YAF2: variants seen among roughly 807,000 people sequenced by gnomAD.
YAF2 encodes YY1-associated factor 2.
Under a neutral mutation model 20.1 loss-of-function variants are expected in YAF2, and 7 were observed. That is an observed-to-expected ratio of 0.35 (90% CI 0.20 to 0.65). The LOEUF (loss-of-function observed/expected upper bound fraction) is 0.65, where lower values mean the gene tolerates loss of function less well. Ranked by LOEUF, YAF2 falls within the 30% of genes least tolerant of loss-of-function variation. YAF2 has a pLI of 0.69. For missense variants in YAF2, 151 were observed against 219.2 expected (o/e 0.69, Z 1.96); for synonymous variants, 74 against 76.0 (o/e 0.97, Z 0.14).
intron 2 of YAF2, among the ~76,000 whole-genome samples, chr12:42,218,716 A>G (rs1379924458): frequency 2.0e-5 from 3 of 152,158 alleles, no homozygotes; most frequent in Non-Finnish European, 4.4e-5. Flanking sequence ...ATGTTATCAT[A>G]ATGTATACTT....
At chr12:42,183,030 A>T (rs1284392406) in intron 2 of YAF2, among the ~76,000 whole-genome samples, 1 of 152,198 alleles carries the variant, frequency 6.6e-6, no homozygotes, top group African/African-American at 2.4e-5. Context: ...GGTAATTCAT[A>T]AAATGTTTTC....
chr12:42,169,691 G>A (rs1452784987), intron 2 of YAF2, among the ~76,000 whole-genome samples: 5 of 152,062 alleles, frequency 3.3e-5, no homozygotes, highest in Non-Finnish European at 7.4e-5. Flanking sequence ...GGGATTAGAG[G>A]TGTGAACCAC....
At chr12:42,191,820 G>C (rs1220342833) in intron 2 of YAF2, among the ~76,000 whole-genome samples, 1 of 152,180 alleles carries the variant, frequency 6.6e-6, no homozygotes, top group African/African-American at 2.4e-5. Flanking sequence ...ATGCACAGTG[G>C]CTCATGCCTG....
chr12:42,182,033 AT>A (rs1243137181), intron 2 of YAF2, among the ~76,000 whole-genome samples: 1 of 152,204 alleles, frequency 6.6e-6, no homozygotes, highest in Non-Finnish European at 1.5e-5. Flanking sequence ...AATTTTCAAC[AT>A]GAAAGTACCT....
intron 2 of YAF2, among the ~76,000 whole-genome samples, chr12:42,163,521 G>C (rs1309092721): frequency 1.3e-5 from 2 of 152,022 alleles, no homozygotes; most frequent in Non-Finnish European, 2.9e-5. Flanking sequence ...TTCTATAGTG[G>C]TTCTTTTTTT....
chr12:42,187,457 T>C (rs1452933830), intron 2 of YAF2, among the ~76,000 whole-genome samples: 4 of 152,138 alleles, frequency 2.6e-5, no homozygotes, highest in Non-Finnish European at 5.9e-5. Context: ...TTTTTATTAT[T>C]GAAGATGTAA....
intron 2 of YAF2, among the ~76,000 whole-genome samples, chr12:42,222,398 T>C (rs529152564): frequency 3.9e-5 from 6 of 152,112 alleles, no homozygotes; most frequent in Non-Finnish European, 5.9e-5. Flanking sequence ...TAAAGACAAA[T>C]GAGTGAAAAG....
At position 42,234,192 on chromosome 12, in the gene YAF2, GAGAAAAGAAA is replaced by G. The variant is rs67374165; in HGVS notation, c.152+3397_152+3406del. ...TCAAATTCTGCCTCAAAAAAAAAAA[GAGAAAAGAAA>G]AGAAAAGAAAAGAAAAGAAAAGAAA... On this transcript the variant is annotated intron_variant, in intron 2 of 3. Coordinates refer to ENST00000534854, the MANE Select transcript of YAF2 (RefSeq NM_005748.6). 4,152 of 912,440 alleles carry G rather than the reference GAGAAAAGAAA, an allele frequency of 4.6e-3. 46 individuals are homozygous for G. The highest frequency in any genetic ancestry group is 0.034 in the South Asian group (665 of 19,814). The allele number at this position is 912,440 out of a possible 1,614,324, so 56.5% of individuals were successfully genotyped here.
At chr12:42,187,167 T>C (rs2137078214) in intron 2 of YAF2, among the ~76,000 whole-genome samples, 1 of 152,248 alleles carries the variant, frequency 6.6e-6, no homozygotes, top group South Asian at 2.1e-4. Flanking sequence ...TATTTACTGA[T>C]TGACTGACCA....
At chr12:42,234,918 T>C (rs980073036) in intron 2 of YAF2, 1 of 872,402 alleles carries the variant, frequency 1.1e-6, no homozygotes. Context: ...AACCTGGGAG[T>C]TCGAGGCTGC....
chr12:42,206,346 C>T (rs538314749), intron 2 of YAF2, among the ~76,000 whole-genome samples: 16 of 150,382 alleles, frequency 1.1e-4, no homozygotes, highest in Non-Finnish European at 2.1e-4. Context: ...CAGTGGCTCA[C>T]GCCTGTAATC....
chr12:42,168,430 C>G (rs1347403376), intron 2 of YAF2, among the ~76,000 whole-genome samples: 3 of 152,074 alleles, frequency 2.0e-5, no homozygotes, highest in Admixed American at 1.3e-4. Flanking sequence ...GATCCACCTG[C>G]CTCGGCCTAC....
chr12:42,221,866 A>G (rs902639208), intron 2 of YAF2, among the ~76,000 whole-genome samples: 3 of 152,132 alleles, frequency 2.0e-5, no homozygotes, highest in African/African-American at 7.2e-5. Context: ...TCTACTTACA[A>G]TCTCTCAAGA....
At chr12:42,186,289 G>A (rs2066472646) in intron 2 of YAF2, among the ~76,000 whole-genome samples, 1 of 151,878 alleles carries the variant, frequency 6.6e-6, no homozygotes, top group African/African-American at 2.4e-5. Context: ...GGGAGGCGGA[G>A]GTTACAGTGA....
At position 42,160,473 on chromosome 12, in the gene YAF2, C is replaced by T. The variant is rs545193866; in HGVS notation, c.*116G>A. On this transcript the variant is annotated 3_prime_UTR_variant, in exon 4 of 4. Transcript: ENST00000534854. ...TAACAAATTTCTATTTTATGTAAAACTCAAATTATGGATTGTGCATGAATG... is the reference window on the plus strand; with the variant it reads ...TAACAAATTTCTATTTTATGTAAAATTCAAATTATGGATTGTGCATGAATG... The T allele has an allele frequency of 5.7e-5, 45 of 790,800 alleles. No homozygotes were observed. The East Asian group carries it at 1.2e-3, about 21-fold the overall frequency. 49.0% of individuals were successfully genotyped at this position (790,800 alleles called of 1,614,324 possible).
chr12:42,221,980 G>T (rs1187138577), intron 2 of YAF2, among the ~76,000 whole-genome samples: 1 of 152,086 alleles, frequency 6.6e-6, no homozygotes. Flanking sequence ...CACTTCAAAG[G>T]TTCCTTTTAG....
chr12:42,207,286 A>C (rs1565633260), intron 2 of YAF2, among the ~76,000 whole-genome samples: 1 of 152,232 alleles, frequency 6.6e-6, no homozygotes, highest in Non-Finnish European at 1.5e-5. Flanking sequence ...AGAAGAGACA[A>C]TCTGTCAAAG....
At chr12:42,212,479 T>C in intron 2 of YAF2, 2 of 448,284 alleles carry the variant, frequency 4.5e-6, no homozygotes, top group African/African-American at 2.0e-5. Flanking sequence ...TTCATGATTC[T>C]TCATTCTATG....
In YAF2 at chr12:42,227,190, C is replaced by T. The variant is rs1042609324; in HGVS notation, c.152+10409G>A. Among the ~76,000 whole-genome samples the T allele has an allele frequency of 2.7e-3, 393 of 144,382 alleles. 1 individual carries two copies. The highest frequency in any genetic ancestry group is 9.9e-3 in the African/African-American group (381 of 38,524). 94.7% of individuals were successfully genotyped at this position (144,382 alleles called of 152,430 possible). A position where few individuals can be genotyped will look rare whatever the true frequency, so the allele number is the denominator to read the frequency against. ...AGGAGCGGACGGGCCCCACGGGGCCCGAGGGCAAGGAGCAGCCGCCTGCCT... is the reference window on the plus strand; with the variant it reads ...AGGAGCGGACGGGCCCCACGGGGCCTGAGGGCAAGGAGCAGCCGCCTGCCT... On this transcript the variant is annotated intron_variant, in intron 2 of 3. Transcript: ENST00000534854.
Sources: gnomAD v4.1 joint callset for allele counts (sites outside exome capture counted in the v4.1 genomes callset) on GRCh38, gnomAD v4.1.1 for gene constraint, MANE v1.5 for transcripts, NCBI Gene and HGNC (gene_info 2026-07-23, HGNC 2026-07-21) for gene names.